The following NRXN3 variants were observed in gnomAD, a reference collection of about 807,000 sequenced individuals.
NRXN3 encodes neurexin 3.
Under a neutral mutation model 137.6 loss-of-function variants are expected in NRXN3, and 32 were observed. The observed-to-expected ratio is 0.23, with a 90% confidence interval of 0.18 to 0.31. NRXN3 has a LOEUF of 0.31. Among genes scored for constraint, NRXN3 ranks in the 10% least tolerant of loss-of-function variants. The pLI, the probability that NRXN3 is intolerant of heterozygous loss-of-function variation, is 1.00. For synonymous variants in NRXN3, 798 were observed against 784.5 expected, an observed-to-expected ratio of 1.02 and a Z score of -0.29; for missense variants, 1,574 against 2,062.5, an observed-to-expected ratio of 0.76 and a Z score of 4.59.
At chr14:78,300,345 T>G (rs550902555) in intron 4 of NRXN3, among the ~76,000 whole-genome samples, 1 of 152,266 alleles carries the variant, frequency 6.6e-6, no homozygotes, top group African/African-American at 2.4e-5. Context: ...GCAGTACTTT[T>G]GCATGCAGAC....
intron 15 of NRXN3, 100 bp downstream of exon 15, chr14:78,988,241 T>C (rs2099511161): frequency 7.0e-7 from 1 of 1,426,618 alleles, no homozygotes; most frequent in South Asian, 1.2e-5. Context: ...TTCTGAAAGA[T>C]TCATAAGTAA....
At chr14:78,901,528 G>A (rs957907017) in intron 10 of NRXN3, among the ~76,000 whole-genome samples, 1 of 151,954 alleles carries the variant, frequency 6.6e-6, no homozygotes, top group Admixed American at 6.6e-5. Context: ...ATCATTTTGA[G>A]ACTTAATGAT....
chr14:79,368,062 G>A (rs1033256729), intron 15 of NRXN3, among the ~76,000 whole-genome samples: 3 of 152,164 alleles, frequency 2.0e-5, no homozygotes, highest in African/African-American at 7.2e-5. Context: ...ATCACTTGGA[G>A]CATTATTACC....
chr14:78,365,042 C>G (rs566420933), intron 4 of NRXN3, among the ~76,000 whole-genome samples: 1 of 152,048 alleles, frequency 6.6e-6, no homozygotes, highest in Admixed American at 6.6e-5. Context: ...ATGGAACCAA[C>G]AGGATTAGCA....
At chr14:79,503,700 C>G (rs1480209651) in intron 16 of NRXN3, among the ~76,000 whole-genome samples, 1 of 152,138 alleles carries the variant, frequency 6.6e-6, no homozygotes, top group Admixed American at 6.5e-5. Context: ...GGGAGAACTT[C>G]AAGAGGTGAA....
At chr14:79,539,024 T>A (rs2097244688) in intron 16 of NRXN3, among the ~76,000 whole-genome samples, 1 of 152,216 alleles carries the variant, frequency 6.6e-6, no homozygotes, top group African/African-American at 2.4e-5. Flanking sequence ...CTACCTAAGA[T>A]CATCCAGCTA....
intron 4 of NRXN3, among the ~76,000 whole-genome samples, chr14:78,371,165 T>C (rs528153753): frequency 1.3e-5 from 2 of 152,276 alleles, no homozygotes; most frequent in Non-Finnish European, 2.9e-5. Context: ...TGCTACCTTT[T>C]TGGCCTGCCC....
rs183589524 is a variant in NRXN3 at position 79,800,379 on chromosome 14, C to A, written c.4015-4733C>A. 4.1e-3 allele frequency among the ~76,000 whole-genome samples: 625 copies of A among 152,304 alleles called. 1 individual carries two copies. Among genetic ancestry groups the A allele is most frequent in the Middle Eastern group, 0.01 (3 of 294 alleles). ...ACTAAATTAATGTGAATTAACAGCT[C>A]AGCACAAAGCCTAAATGTAGCCAGT... On this transcript the variant is annotated intron_variant, in intron 19 of 20. Coordinates refer to ENST00000335750, the MANE Select transcript of NRXN3 (RefSeq NM_001330195.2).
At position 79,770,481 on chromosome 14, in the gene NRXN3, C is replaced by T. The variant is rs373338437; in HGVS notation, c.4015-34631C>T. Among the ~76,000 whole-genome samples the T allele has an allele frequency of 0.01, 1,296 of 123,676 alleles. 63 individuals are homozygous for T. In the East Asian group the frequency reaches 0.11, roughly 10 times the overall value. The allele number at this position is 123,676 out of a possible 152,430, so 81.1% of individuals were successfully genotyped here. On this transcript the variant is annotated intron_variant, in intron 19 of 20. Transcript: ENST00000335750. ...CAGGATTAAGAATCTCACTCAAAGC[C>T]GCTCAACTACATGGAAACTGAACAA...
chr14:78,630,187 G>T (rs944936413), intron 4 of NRXN3, among the ~76,000 whole-genome samples: 15 of 152,126 alleles, frequency 9.9e-5, no homozygotes, highest in African/African-American at 3.6e-4. Context: ...CTCTTTTCAG[G>T]ACAGCACCAT....
At chr14:78,839,262 G>A (rs2099005464) in intron 10 of NRXN3, among the ~76,000 whole-genome samples, 1 of 152,140 alleles carries the variant, frequency 6.6e-6, no homozygotes, top group Non-Finnish European at 1.5e-5. Flanking sequence ...GGAGTTACTA[G>A]GCTAAGAAAG....
At chr14:79,662,364 T>C (rs528637611) in intron 16 of NRXN3, among the ~76,000 whole-genome samples, 4 of 152,176 alleles carry the variant, frequency 2.6e-5, no homozygotes, top group Non-Finnish European at 5.9e-5. Flanking sequence ...GAGAGGCTGA[T>C]TATATTTGAA....
chr14:78,812,938 A>G (rs1316127599), intron 10 of NRXN3, among the ~76,000 whole-genome samples: 2 of 152,204 alleles, frequency 1.3e-5, no homozygotes, highest in Non-Finnish European at 1.5e-5. Context: ...ACAAATATAC[A>G]TGGGTCTTTT....
At chr14:79,631,040 C>T (rs1603269855) in intron 16 of NRXN3, among the ~76,000 whole-genome samples, 1 of 152,190 alleles carries the variant, frequency 6.6e-6, no homozygotes, top group East Asian at 1.9e-4. Context: ...TTGTGTAATG[C>T]ACTAGCTAAA....
At chr14:79,809,520 AG>A (rs1264055285) in intron 20 of NRXN3, among the ~76,000 whole-genome samples, 14 of 152,228 alleles carry the variant, frequency 9.2e-5, no homozygotes, top group Admixed American at 3.3e-4. Flanking sequence ...TTATTTTATA[AG>A]TCACAGATAC....
At chr14:79,181,599 T>G (rs907581935) in intron 15 of NRXN3, among the ~76,000 whole-genome samples, 1 of 149,250 alleles carries the variant, frequency 6.7e-6, no homozygotes, top group Admixed American at 6.8e-5. Flanking sequence ...GAGAATCGCT[T>G]GAACCCAGGA....
rs7151676 is a variant in NRXN3 at position 79,382,337 on chromosome 14, A to G, written c.3263-84884A>G. Among the ~76,000 whole-genome samples, 1,312 of 152,290 alleles carry G rather than the reference A, an allele frequency of 8.6e-3. 32 individuals are homozygous for G. The East Asian group carries it at 0.1, about 12-fold the overall frequency. Reference sequence around the variant, plus strand: ...ACCTTGCAAGAAAGCAATGCGCAGGACAATGGGCTGTCTACCAAGAGGCAG... The same window carrying G: ...ACCTTGCAAGAAAGCAATGCGCAGGGCAATGGGCTGTCTACCAAGAGGCAG... On this transcript the variant is annotated intron_variant, in intron 15 of 20. Coordinates refer to ENST00000335750, the MANE Select transcript of NRXN3 (RefSeq NM_001330195.2).
At chr14:78,984,598 G>T (rs548349498) in intron 14 of NRXN3, among the ~76,000 whole-genome samples, 12 of 152,282 alleles carry the variant, frequency 7.9e-5, no homozygotes, top group Admixed American at 7.2e-4. Flanking sequence ...ATAGGGGTGG[G>T]CATGAAGTAT....
At chr14:79,857,577 C>T (rs1036420915) in intron 20 of NRXN3, among the ~76,000 whole-genome samples, 2 of 116,912 alleles carry the variant, frequency 1.7e-5, no homozygotes, top group African/African-American at 3.4e-5. Context: ...TCACTTTCTC[C>T]TCTCAAATGA....
Sources: allele counts gnomAD v4.1 joint callset (sites outside exome capture counted in the v4.1 genomes callset), GRCh38; gene constraint gnomAD v4.1.1; transcripts MANE v1.5; gene names NCBI Gene and HGNC (gene_info 2026-07-23, HGNC 2026-07-21).